ASPH: variants seen among roughly 807,000 people sequenced by gnomAD.
ASPH encodes aspartyl/asparaginyl beta-hydroxylase.
Under a neutral mutation model 118.4 loss-of-function variants are expected in ASPH, and 100 were observed. That is an observed-to-expected ratio of 0.84 (90% confidence interval 0.72 to 1.00). The LOEUF (loss-of-function observed/expected upper bound fraction) is 1.00, where lower values mean the gene tolerates loss of function less well. Among genes scored for constraint, ASPH ranks in the 50% least tolerant of loss-of-function variants. The pLI, the probability that ASPH is intolerant of heterozygous loss-of-function variation, is 0.00. For synonymous variants in ASPH, 315 were observed against 325.6 expected (o/e 0.97, Z 0.35); for missense variants, 920 against 919.5 (o/e 1.00, Z -0.01).
intron 12 of ASPH, among the ~76,000 whole-genome samples, chr8:61,636,841 G>T (rs1858014914): frequency 6.6e-6 from 1 of 151,842 alleles, no homozygotes; most frequent in Admixed American, 6.6e-5. Flanking sequence ...ATCCCTCATA[G>T]AGAACTGAGT....
chr8:61,605,583 G>A (rs1845330059), intron 14 of ASPH, among the ~76,000 whole-genome samples: 1 of 152,168 alleles, frequency 6.6e-6, no homozygotes, highest in African/African-American at 2.4e-5. Context: ...AATTAAATAA[G>A]TGATTTCACA....
chr8:61,695,888 T>C (rs1833820933), intron 1 of ASPH, among the ~76,000 whole-genome samples: 1 of 152,204 alleles, frequency 6.6e-6, no homozygotes, highest in African/African-American at 2.4e-5. Flanking sequence ...TATTGCTTAG[T>C]TGTTTGGGCT....
intron 17 of ASPH, among the ~76,000 whole-genome samples, chr8:61,564,874 G>A (rs1831148976): frequency 6.6e-6 from 1 of 152,200 alleles, no homozygotes; most frequent in African/African-American, 2.4e-5. Flanking sequence ...ATCTATAGGA[G>A]CCTCCCCTAA....
chr8:61,653,486 G>C (rs1812122162), intron 4 of ASPH, 82 bp downstream of exon 4: 6 of 1,343,274 alleles, frequency 4.5e-6, no homozygotes, highest in Non-Finnish European at 6.2e-6. Context: ...ACAAATTCCA[G>C]GTAAAACGTG....
At chr8:61,633,446 A>G in intron 13 of ASPH, 1 of 339,058 alleles carries the variant, frequency 2.9e-6, no homozygotes, top group Non-Finnish European at 5.4e-6. Context: ...TGGCAAAATC[A>G]TATGATCATT....
At chr8:61,618,519 T>G (rs1849800369) in intron 14 of ASPH, among the ~76,000 whole-genome samples, 1 of 152,230 alleles carries the variant, frequency 6.6e-6, no homozygotes, top group South Asian at 2.1e-4. Context: ...TAGGAATCTT[T>G]GGATTCCTAT....
rs149462291 is a variant in ASPH, at chr8:61,592,711, C to A, written c.977-8682G>T. On this transcript the variant is annotated intron_variant, in intron 14 of 24. Transcript: ENST00000379454. Reference sequence around the variant, plus strand: ...GTTTCAAAGTCATCACATAAAGCAACCTTACTGCAATATTATTCATAGCAA... The same window carrying A: ...GTTTCAAAGTCATCACATAAAGCAAACTTACTGCAATATTATTCATAGCAA... Among the ~76,000 whole-genome samples the A allele has an allele frequency of 1.3e-3, 198 of 152,238 alleles. 2 individuals carry two copies. The highest frequency in any genetic ancestry group is 4.2e-3 in the African/African-American group (176 of 41,550).
chr8:61,665,668 AG>A, intron 3 of ASPH: 1 of 1,471,154 alleles, frequency 6.8e-7, no homozygotes, highest in Non-Finnish European at 9.0e-7. Flanking sequence ...ATCACAGAAC[AG>A]GAAGTTAGTG....
In ASPH at chr8:61,548,060, G is replaced by A; in HGVS notation, c.1764+11C>T. 1 of 1,610,800 alleles carries A rather than the reference G, an allele frequency of 6.2e-7. No individual in the cohort carries two copies. The highest frequency in any genetic ancestry group is 8.5e-7 in the Non-Finnish European group (1 of 1,178,286). On this transcript the variant is annotated intron_variant, in intron 21 of 24. Transcript: ENST00000379454. ...AAGATCTGGTGAGGATGATGTCTAA[G>A]TTATACTTACCTTTACTAACTCTGT... is the stretch of plus-strand genomic sequence containing the variant.
chr8:61,523,304 T>TTTC (rs1563687764), intron 22 of ASPH, among the ~76,000 whole-genome samples: 1 of 139,510 alleles, frequency 7.2e-6, no homozygotes, highest in Non-Finnish European at 1.6e-5. Flanking sequence ...ACACTTATTA[T>TTTC]TTTCTTTCTT....
At position 61,576,804 on chromosome 8, in the gene ASPH, G is replaced by A; in HGVS notation, c.1117C>T (p.Gln373Ter). 1 of 1,610,008 alleles carries A rather than the reference G, an allele frequency of 6.2e-7. No homozygotes were observed. Among genetic ancestry groups the A allele is most frequent in the South Asian group, 1.1e-5 (1 of 90,136 alleles). Residue 373 changes from glutamine (Q) to a stop codon, truncating the protein, a stop_gained, in exon 16 of 25, where the codon CAG (glutamine) becomes TAG (stop). Transcript: ENST00000379454. LOFTEE classifies it high-confidence loss of function. ...TTCCCATATCTTGCTCGTGGACTCTGAGGGTATTTGCGTACTAGTTCTTTA... is the reference window on the plus strand; with the variant it reads ...TTCCCATATCTTGCTCGTGGACTCTAAGGGTATTTGCGTACTAGTTCTTTA... ...AFKELVRKYPQSPRARYGKAQ... is the reference protein window; with the variant it reads ...AFKELVRKYP
At chr8:61,706,531 G>A (rs1171443419) in intron 1 of ASPH, among the ~76,000 whole-genome samples, 3 of 151,808 alleles carry the variant, frequency 2.0e-5, no homozygotes, top group Non-Finnish European at 4.4e-5. Context: ...CAGGCCAGCC[G>A]GCCAGGTGCA....
chr8:61,612,833 A>C (rs898413600), intron 14 of ASPH, among the ~76,000 whole-genome samples: 3 of 152,228 alleles, frequency 2.0e-5, no homozygotes, highest in Admixed American at 6.5e-5. Flanking sequence ...GTAAGGCTTA[A>C]ACAAGAACCC....
chr8:61,522,656 T>C (rs969445407), intron 22 of ASPH, among the ~76,000 whole-genome samples: 2 of 152,176 alleles, frequency 1.3e-5, no homozygotes, highest in Admixed American at 6.5e-5. Context: ...CTTCACTTGG[T>C]ACTTATTCTC....
chr8:61,575,395 CAT>C (rs1478438441), intron 16 of ASPH, among the ~76,000 whole-genome samples: 1 of 152,198 alleles, frequency 6.6e-6, no homozygotes, highest in African/African-American at 2.4e-5. Flanking sequence ...GACCCCCTCA[CAT>C]GTCTGTTGGC....
chr8:61,611,825 GA>G (rs1847462698), intron 14 of ASPH, among the ~76,000 whole-genome samples: 1 of 152,186 alleles, frequency 6.6e-6, no homozygotes, highest in Non-Finnish European at 1.5e-5. Flanking sequence ...ATCCTGAGCA[GA>G]GATATTAGCT....
At chr8:61,534,377 T>C (rs1489944709) in intron 21 of ASPH, among the ~76,000 whole-genome samples, 1 of 152,244 alleles carries the variant, frequency 6.6e-6, no homozygotes, top group East Asian at 1.9e-4. Flanking sequence ...GAAAATCCTA[T>C]TAGCCGGCAA....
intron 3 of ASPH, among the ~76,000 whole-genome samples, chr8:61,670,299 T>C (rs563250475): frequency 1.3e-5 from 2 of 151,636 alleles, no homozygotes; most frequent in Non-Finnish European, 2.9e-5. Flanking sequence ...GGAAATGTGT[T>C]TGTTTGTTTT....
At chr8:61,704,795 T>C (rs766662021) in intron 1 of ASPH, among the ~76,000 whole-genome samples, 8 of 152,112 alleles carry the variant, frequency 5.3e-5, no homozygotes, top group Non-Finnish European at 1.2e-4. Context: ...CCCACCAGAA[T>C]GGCTAAAATT....
Sources: gnomAD v4.1 joint callset for allele counts (sites outside exome capture counted in the v4.1 genomes callset) on GRCh38, gnomAD v4.1.1 for gene constraint, MANE v1.5 for transcripts, NCBI Gene and HGNC (gene_info 2026-07-23, HGNC 2026-07-21) for gene names.